Variants in STUM observed in about 807,000 individuals in gnomAD.
STUM encodes the protein protein stum homolog.
STUM carries 8 observed loss-of-function variants against 15.3 expected under a neutral mutation model. The observed-to-expected ratio is 0.52, with a 90% CI of 0.31 to 0.94. The LOEUF is 0.94. Among genes scored for constraint, STUM ranks in the 40% least tolerant of loss-of-function variants. The probability of loss-of-function intolerance (pLI) is 0.05; values close to 1 mark genes in which losing one functional copy is unlikely to be tolerated. For missense variants in STUM, 142 were observed against 204.9 expected, an observed-to-expected ratio of 0.69 and a Z score of 1.87; for synonymous variants, 78 against 88.7, an observed-to-expected ratio of 0.88 and a Z score of 0.68.
At chr1:226,553,369 A>G (rs1384485918) in intron 1 of STUM, among the ~76,000 whole-genome samples, 1 of 152,218 alleles carries the variant, frequency 6.6e-6, no homozygotes, top group Non-Finnish European at 1.5e-5. Context: ...ACAAAACAGA[A>G]AGCAATTAGT....
chr1:226,574,862 G>A (rs891983889), intron 1 of STUM, among the ~76,000 whole-genome samples: 1 of 152,222 alleles, frequency 6.6e-6, no homozygotes, highest in African/African-American at 2.4e-5. Context: ...CTCGGGGTCA[G>A]CGGGGCCCCA....
Position 226,602,493 on chromosome 1 carries a change from C to G in STUM, c.*453C>G, listed in dbSNP as rs372204987. The G allele has an allele frequency of 5.9e-6, 1 of 169,644 alleles. No homozygotes were observed. Among genetic ancestry groups the G allele is most frequent in the African/African-American group, 2.4e-5 (1 of 42,198 alleles). 10.5% of individuals were successfully genotyped at this position (169,644 alleles called of 1,614,324 possible). A position where few individuals can be genotyped will look rare whatever the true frequency, so the allele number is the denominator to read the frequency against. The stretch of plus-strand genomic sequence containing the variant: ...CCCCACCTGCCTCAAAATCTGGTGC[C>G]CCGAGTGTTTACTGTGTGGTCTCCT... On this transcript the variant is annotated 3_prime_UTR_variant, in exon 4 of 4. Transcript: ENST00000366788.
chr1:226,576,711 C>T (rs1019895420), intron 1 of STUM, among the ~76,000 whole-genome samples: 3 of 152,182 alleles, frequency 2.0e-5, no homozygotes, highest in South Asian at 2.1e-4. Context: ...AAACTCTGTG[C>T]CCATTAACAT....
chr1:226,608,122 C>T lies in STUM; in HGVS notation c.*6082C>T, dbSNP rs1176937884. On this transcript the variant is annotated 3_prime_UTR_variant, in exon 4 of 4. Transcript: ENST00000366788. This position sits in a 1 kb window ranked among gnomAD's most constrained non-coding sequence, Gnocchi z 4.0. ...TAGGGTGAATGGGCTCAGCACCAAA[C>T]CTGGCTGTGCCCATTCCCCACAACC... 1 of 152,332 alleles carries T rather than the reference C, an allele frequency of 6.6e-6. No individual in the cohort carries two copies. The highest frequency in any genetic ancestry group is 2.4e-5 in the African/African-American group (1 of 41,454). 9.4% of individuals were successfully genotyped at this position (152,332 alleles called of 1,614,324 possible).
chr1:226,568,956 G>GCAAGGGGACCTTGCTGTGCCCACACA (rs6143655), intron 1 of STUM, among the ~76,000 whole-genome samples: 34,320 of 150,632 alleles, frequency 0.23, 4,436 homozygotes, highest in African/African-American at 0.35. Flanking sequence ...AGGGTCCCTA[G>GCAAGGGGACCTTGCTGTGCCCACACA]CAAGGGGACC....
At chr1:226,597,392 G>A (rs573600243) in intron 2 of STUM, 30 of 474,782 alleles carry the variant, frequency 6.3e-5, no homozygotes, top group African/African-American at 4.0e-4. Context: ...CACCATCCAC[G>A]TTCCCTGTAT....
At chr1:226,585,972 C>G (rs922722350) in intron 1 of STUM, among the ~76,000 whole-genome samples, 2 of 120,586 alleles carry the variant, frequency 1.7e-5, no homozygotes, top group Non-Finnish European at 3.4e-5. Context: ...TCCTGATTTT[C>G]TCACATGGTG....
intron 1 of STUM, among the ~76,000 whole-genome samples, chr1:226,560,011 C>T (rs1198268736): frequency 4.7e-5 from 7 of 148,996 alleles, no homozygotes; most frequent in South Asian, 4.3e-4. Context: ...TGATGGCGGG[C>T]GCCTGTAATC....
intron 1 of STUM, among the ~76,000 whole-genome samples, chr1:226,583,562 A>G (rs1281528737): frequency 6.6e-6 from 1 of 152,156 alleles, no homozygotes; most frequent in Non-Finnish European, 1.5e-5. Context: ...TTTCCTCCTC[A>G]GTGCCTTATT....
intron 1 of STUM, among the ~76,000 whole-genome samples, chr1:226,596,227 C>T (rs1018278692): frequency 4.0e-5 from 6 of 151,772 alleles, no homozygotes; most frequent in Non-Finnish European, 8.8e-5. Flanking sequence ...GGCTCTGGGA[C>T]ACCTGTCCTA....
intron 1 of STUM, among the ~76,000 whole-genome samples, chr1:226,568,563 C>T (rs1259295307): frequency 2.6e-5 from 4 of 152,242 alleles, no homozygotes; most frequent in Non-Finnish European, 5.9e-5. Context: ...TTTAAAGCAT[C>T]AGTAGCAGGC....
rs141035110 is a variant in STUM, at chr1:226,566,576, AT to A, written c.202+17479del. ...TCAGCAATTCAGGTCTCTTACCCAC[AT>A]TTTTTTTTGTACCAGAAGGTCTTGG... is the stretch of plus-strand genomic sequence containing the variant. On this transcript the variant is annotated intron_variant, in intron 1 of 3. Transcript: ENST00000366788. Among the ~76,000 whole-genome samples, 38 of 151,652 alleles carry A rather than the reference AT, an allele frequency of 2.5e-4. No homozygotes were observed. In the East Asian group the frequency reaches 4.7e-3, roughly 19 times the overall value.
chr1:226,558,808 A>G (rs918730407), intron 1 of STUM, among the ~76,000 whole-genome samples: 1 of 152,208 alleles, frequency 6.6e-6, no homozygotes, highest in African/African-American at 2.4e-5. Context: ...CTGTGTCCAT[A>G]TACCTTTGAG....
intron 1 of STUM, among the ~76,000 whole-genome samples, chr1:226,561,287 G>A (rs902058516): frequency 2.0e-5 from 3 of 152,168 alleles, no homozygotes; most frequent in Non-Finnish European, 4.4e-5. Context: ...TGAAGTGAAG[G>A]TATGTTTGCA....
chr1:226,599,348 C>G (rs575447773), intron 2 of STUM, among the ~76,000 whole-genome samples: 25 of 152,336 alleles, frequency 1.6e-4, no homozygotes, highest in African/African-American at 5.8e-4. Context: ...AATCCCACCC[C>G]CAAAGGGTGA....
chr1:226,550,300 G>A (rs1667352944), intron 1 of STUM, among the ~76,000 whole-genome samples: 2 of 152,168 alleles, frequency 1.3e-5, no homozygotes, highest in Admixed American at 1.3e-4. Flanking sequence ...TTTCCCCTCC[G>A]AGCTTACTTG....
At chr1:226,554,032 G>C (rs1203493871) in intron 1 of STUM, among the ~76,000 whole-genome samples, 1 of 152,224 alleles carries the variant, frequency 6.6e-6, no homozygotes, top group Non-Finnish European at 1.5e-5. Context: ...CCTTGTAGGA[G>C]AATACTTCCT....
rs1215730954 is a variant in STUM at position 226,607,283 on chromosome 1, A to G, written c.*5243A>G. The G allele has an allele frequency of 6.6e-6, 1 of 152,244 alleles. No homozygotes were observed. Among genetic ancestry groups the G allele is most frequent in the African/African-American group, 2.4e-5 (1 of 41,460 alleles). The allele number at this position is 152,244 out of a possible 1,614,324, so 9.4% of individuals were successfully genotyped here. ...GGCATGGAGGTGGTCACGCTCAGAC[A>G]GTCATGCACCACCCTCAATCCCAGG... is the stretch of plus-strand genomic sequence containing the variant. On this transcript the variant is annotated 3_prime_UTR_variant, in exon 4 of 4. Coordinates refer to ENST00000366788, the MANE Select transcript of STUM (RefSeq NM_001003665.4).
At chr1:226,583,833 G>C (rs115657421) in intron 1 of STUM, among the ~76,000 whole-genome samples, 5,169 of 152,240 alleles carry the variant, frequency 0.034, 93 homozygotes, top group South Asian at 0.052. Flanking sequence ...CTCTGCCCAA[G>C]AGCCAAGCAG....
Sources: allele counts gnomAD v4.1 joint callset (sites outside exome capture counted in the v4.1 genomes callset), GRCh38; gene constraint gnomAD v4.1.1; non-coding constraint Gnocchi (gnomAD v3.1); transcripts MANE v1.5; gene names NCBI Gene and HGNC (gene_info 2026-07-23, HGNC 2026-07-21).